The following TMEM132D variants were observed in gnomAD, a reference collection of about 807,000 sequenced individuals.
The protein encoded by TMEM132D is transmembrane protein 132D.
Under a neutral mutation model 62.3 loss-of-function variants are expected in TMEM132D, and 21 were observed. The observed-to-expected ratio is 0.34, with a 90% confidence interval of 0.24 to 0.49. The LOEUF (loss-of-function observed/expected upper bound fraction) is 0.49, where lower values mean the gene tolerates loss of function less well. Ranked by LOEUF, TMEM132D falls within the 20% of genes least tolerant of loss-of-function variation. TMEM132D has a pLI of 0.99. For synonymous variants in TMEM132D, 621 were observed against 575.6 expected (o/e 1.08, Z -1.13); for missense variants, 1,346 against 1,402.8 (o/e 0.96, Z 0.65).
At chr12:129,115,073 C>T (rs1875854436) in intron 5 of TMEM132D, among the ~76,000 whole-genome samples, 1 of 152,134 alleles carries the variant, frequency 6.6e-6, no homozygotes, top group African/African-American at 2.4e-5. Context: ...TCGTATACAT[C>T]CTCTTTTATT....
intron 2 of TMEM132D, among the ~76,000 whole-genome samples, chr12:129,556,697 C>T (rs1287667524): frequency 1.3e-5 from 2 of 152,016 alleles, no homozygotes; most frequent in South Asian, 2.1e-4. Context: ...AAACGATAGC[C>T]CCTGATAATG....
Position 129,699,842 on chromosome 12 carries a change from G to T in TMEM132D, c.936C>A (p.Ser312=), listed in dbSNP as rs2137225198. Residue 312 remains serine (S), a synonymous_variant, in exon 2 of 9, where the codon TCC becomes TCA. Transcript: ENST00000422113. The stretch of plus-strand genomic sequence containing the variant: ...TGAAGCGATCTTCAGTGGAATTTCT[G>T]GAGATGGAAACAGGAAAAGTCAGCA... The part of the protein sequence containing the change: ...GDVLTFPVSI[S]RNSTEDRFTL... 6.2e-7 allele frequency: 1 copy of T among 1,614,142 alleles called. No homozygotes were observed. The highest frequency in any genetic ancestry group is 1.3e-5 in the African/African-American group (1 of 75,050).
rs572396533 is a variant in TMEM132D, at chr12:129,656,689, T to C, written c.968+43121A>G. Among the ~76,000 whole-genome samples the C allele has an allele frequency of 4.2e-4, 64 of 152,342 alleles. No individual in the cohort carries two copies. The South Asian group carries it at 0.013, about 30-fold the overall frequency. ...CCACTGCCATGTGGAAATGAAAGCC[T>C]GGTATTGAACAATAATTATCAAAAT... On this transcript the variant is annotated intron_variant, in intron 2 of 8. Coordinates refer to ENST00000422113, the MANE Select transcript of TMEM132D (RefSeq NM_133448.3).
intron 1 of TMEM132D, among the ~76,000 whole-genome samples, chr12:129,890,100 G>A (rs1813188274): frequency 6.6e-6 from 1 of 152,186 alleles, no homozygotes; most frequent in Admixed American, 6.5e-5. Context: ...TTGGCACACA[G>A]AACACCAGTT....
intron 5 of TMEM132D, among the ~76,000 whole-genome samples, chr12:129,141,133 C>A (rs1045252793): frequency 6.6e-6 from 1 of 152,274 alleles, no homozygotes; most frequent in African/African-American, 2.4e-5. Flanking sequence ...TTGCTTTCTG[C>A]GAACTCAACA....
At chr12:129,372,142 T>C (rs531110825) in intron 3 of TMEM132D, among the ~76,000 whole-genome samples, 2 of 152,322 alleles carry the variant, frequency 1.3e-5, no homozygotes, top group South Asian at 4.1e-4. Context: ...AAGCTGGAAA[T>C]GCCAAGGAAA....
At chr12:129,118,733 C>T (rs567241386) in intron 5 of TMEM132D, among the ~76,000 whole-genome samples, 1 of 152,302 alleles carries the variant, frequency 6.6e-6, no homozygotes, top group African/African-American at 2.4e-5. Context: ...CATTGAATGT[C>T]CTGGCCATTC....
intron 2 of TMEM132D, among the ~76,000 whole-genome samples, chr12:129,615,879 C>T (rs1023806879): frequency 6.6e-6 from 1 of 152,062 alleles, no homozygotes; most frequent in East Asian, 1.9e-4. Flanking sequence ...TTGCTACCCC[C>T]GTCCCAGAGC....
At chr12:129,417,823 C>T (rs1593371707) in intron 3 of TMEM132D, among the ~76,000 whole-genome samples, 1 of 152,072 alleles carries the variant, frequency 6.6e-6, no homozygotes, top group South Asian at 2.1e-4. Flanking sequence ...GGCTAATATC[C>T]AGAATCTACA....
intron 2 of TMEM132D, among the ~76,000 whole-genome samples, chr12:129,687,433 G>A (rs542536914): frequency 9.9e-5 from 15 of 151,946 alleles, no homozygotes; most frequent in South Asian, 4.2e-4. Context: ...GAGAGCTCCC[G>A]GAATTATCTG....
At chr12:129,809,976 A>G (rs1235782177) in intron 1 of TMEM132D, among the ~76,000 whole-genome samples, 1 of 152,214 alleles carries the variant, frequency 6.6e-6, no homozygotes, top group Non-Finnish European at 1.5e-5. Context: ...ACAAATTGTA[A>G]CAAGCTATCA....
intron 1 of TMEM132D, among the ~76,000 whole-genome samples, chr12:129,722,327 C>T (rs985074225): frequency 3.5e-5 from 4 of 113,990 alleles, no homozygotes; most frequent in African/African-American, 9.4e-5. Context: ...GTCGAAATGC[C>T]GACTGCCTGT....
Position 129,904,022 on chromosome 12 carries a change from C to T in TMEM132D, c.-683G>A, listed in dbSNP as rs1228095147. Among the ~76,000 whole-genome samples the T allele has an allele frequency of 6.7e-6, 1 of 150,348 alleles. No homozygotes were observed. The highest frequency in any genetic ancestry group is 6.6e-5 in the Admixed American group (1 of 15,124). ...CGCGGGGCTCTACGCGCGCCGAGCG[C>T]ACTGCAGGCTCCGGAGACGCGGGGC... On this transcript the variant is annotated 5_prime_UTR_variant, in exon 1 of 9. Transcript: ENST00000422113.
intron 3 of TMEM132D, among the ~76,000 whole-genome samples, chr12:129,530,397 C>A (rs1403487554): frequency 6.6e-6 from 1 of 152,078 alleles, no homozygotes; most frequent in Non-Finnish European, 1.5e-5. Flanking sequence ...GACTAGGAAA[C>A]CCCCAGAGCC....
chr12:129,390,892 T>C (rs527943358), intron 3 of TMEM132D, among the ~76,000 whole-genome samples: 1 of 152,232 alleles, frequency 6.6e-6, no homozygotes, highest in Non-Finnish European at 1.5e-5. Flanking sequence ...ACTTTCATTA[T>C]CTCCATCTTA....
chr12:129,429,466 A>C (rs905926827), intron 3 of TMEM132D, among the ~76,000 whole-genome samples: 7 of 152,162 alleles, frequency 4.6e-5, no homozygotes, highest in African/African-American at 1.7e-4. Flanking sequence ...AGGCCCCCCC[A>C]GGGAGCTGGT....
At chr12:129,804,553 A>G in intron 1 of TMEM132D, among the ~76,000 whole-genome samples, 1 of 150,618 alleles carries the variant, frequency 6.6e-6, no homozygotes, top group Non-Finnish European at 1.5e-5. Context: ...ACATAATAAG[A>G]GCTATCTATG....
intron 3 of TMEM132D, among the ~76,000 whole-genome samples, chr12:129,440,194 A>C (rs1443666135): frequency 6.6e-6 from 1 of 152,238 alleles, no homozygotes; most frequent in African/African-American, 2.4e-5. Context: ...GCACAAAAGA[A>C]GTAAAAGATT....
intron 2 of TMEM132D, among the ~76,000 whole-genome samples, chr12:129,692,961 C>T (rs1180720454): frequency 6.6e-6 from 1 of 152,080 alleles, no homozygotes; most frequent in Non-Finnish European, 1.5e-5. Flanking sequence ...TGTAACAAAC[C>T]TGCACATCCT....
Sources: allele counts gnomAD v4.1 joint callset (sites outside exome capture counted in the v4.1 genomes callset), GRCh38; gene constraint gnomAD v4.1.1; transcripts MANE v1.5; gene names NCBI Gene and HGNC (gene_info 2026-07-23, HGNC 2026-07-21).